The following SYT16 variants were observed in gnomAD, a reference collection of about 807,000 sequenced individuals.
SYT16 encodes synaptotagmin 16.
Under a neutral mutation model 61.4 loss-of-function variants are expected in SYT16, and 42 were observed. The observed-to-expected ratio is 0.68, with a 90% CI of 0.53 to 0.89. The LOEUF (loss-of-function observed/expected upper bound fraction) is 0.89, where lower values mean the gene tolerates loss of function less well. Among genes scored for constraint, SYT16 ranks in the 40% least tolerant of loss-of-function variants. The pLI, the probability that SYT16 is intolerant of heterozygous loss-of-function variation, is 0.00. For missense variants in SYT16, 804 were observed against 807.3 expected, an observed-to-expected ratio of 1.00 and a Z score of 0.05; for synonymous variants, 314 against 302.3, an observed-to-expected ratio of 1.04 and a Z score of -0.40.
rs531232630 is a variant in SYT16 at position 62,036,306 on chromosome 14, C to T, written c.524-33297C>T. 1.1e-4 allele frequency among the ~76,000 whole-genome samples: 16 copies of T among 152,116 alleles called. No homozygotes were observed. In the South Asian group the frequency reaches 3.1e-3, roughly 30 times the overall value. Reference sequence around the variant, plus strand: ...TCTGAAAAAAGAAAAGAGGTAACCACGCATTGGTTGGGTATGGCTGGAAGC... The same window carrying T: ...TCTGAAAAAAGAAAAGAGGTAACCATGCATTGGTTGGGTATGGCTGGAAGC... On this transcript the variant is annotated intron_variant, in intron 3 of 7. Transcript: ENST00000683842.
At chr14:62,050,982 C>G (rs1347142061) in intron 3 of SYT16, among the ~76,000 whole-genome samples, 2 of 152,224 alleles carry the variant, frequency 1.3e-5, no homozygotes, top group Non-Finnish European at 2.9e-5. Context: ...GGGAGAACCA[C>G]TACTCTCTTC....
chr14:61,899,865 G>A (rs1435972125), intron 1 of SYT16, among the ~76,000 whole-genome samples: 1 of 152,170 alleles, frequency 6.6e-6, no homozygotes, highest in Non-Finnish European at 1.5e-5. Context: ...TCCCAGGGAG[G>A]AACTGTGTTC....
At chr14:61,815,821 A>C (rs79317706) in intron 1 of SYT16, among the ~76,000 whole-genome samples, 336 of 152,356 alleles carry the variant, frequency 2.2e-3, no homozygotes, top group Non-Finnish European at 4.0e-3. Flanking sequence ...TTTTGTTTCC[A>C]GAACACAAAA....
intron 1 of SYT16, among the ~76,000 whole-genome samples, chr14:61,887,440 T>C (rs547688454): frequency 3.3e-5 from 5 of 152,340 alleles, no homozygotes; most frequent in African/African-American, 1.2e-4. Context: ...AGAGTCAGCA[T>C]GTCCATTGAA....
intron 1 of SYT16, among the ~76,000 whole-genome samples, chr14:61,892,306 C>T (rs1594846600): frequency 6.6e-6 from 1 of 152,096 alleles, no homozygotes. Context: ...TCTCCCTCCA[C>T]CTCTAGCTGC....
intron 3 of SYT16, among the ~76,000 whole-genome samples, chr14:62,044,348 T>C (rs2054873748): frequency 1.3e-5 from 2 of 152,194 alleles, no homozygotes; most frequent in Admixed American, 6.5e-5. Context: ...GTTTGTTACA[T>C]AGGTATACAC....
intron 2 of SYT16, among the ~76,000 whole-genome samples, chr14:61,970,943 T>C (rs1189682966): frequency 6.6e-6 from 1 of 152,152 alleles, no homozygotes; most frequent in Non-Finnish European, 1.5e-5. Context: ...CTGTTTTTTT[T>C]TTTTTATCAG....
chr14:61,846,470 A>G (rs1467741015), intron 1 of SYT16, among the ~76,000 whole-genome samples: 1 of 152,280 alleles, frequency 6.6e-6, no homozygotes, highest in East Asian at 1.9e-4. Context: ...TGATATAAGT[A>G]TAGTGATTCC....
At chr14:61,990,711 T>A (rs1015202711) in intron 2 of SYT16, among the ~76,000 whole-genome samples, 2 of 152,114 alleles carry the variant, frequency 1.3e-5, no homozygotes, top group African/African-American at 4.8e-5. Context: ...GTCGTAACTG[T>A]CCCCCAACCC....
At chr14:62,055,647 G>A (rs1386146583) in intron 3 of SYT16, among the ~76,000 whole-genome samples, 1 of 152,128 alleles carries the variant, frequency 6.6e-6, no homozygotes. Context: ...CTTGATATAG[G>A]GTGGATCCCT....
intron 3 of SYT16, among the ~76,000 whole-genome samples, chr14:62,057,037 G>A (rs1009678205): frequency 2.0e-5 from 3 of 152,288 alleles, no homozygotes; most frequent in East Asian, 1.9e-4. Flanking sequence ...AGGACACTGC[G>A]GTCGCAAAGC....
At chr14:62,061,762 TA>T (rs2055836580) in intron 3 of SYT16, among the ~76,000 whole-genome samples, 1 of 152,056 alleles carries the variant, frequency 6.6e-6, no homozygotes, top group Non-Finnish European at 1.5e-5. Context: ...CGTAACAAAC[TA>T]AAAGGGGAAA....
chr14:62,013,300 T>A (rs893149038), intron 3 of SYT16, among the ~76,000 whole-genome samples: 3 of 152,172 alleles, frequency 2.0e-5, no homozygotes, highest in Non-Finnish European at 2.9e-5. Flanking sequence ...ATTCTCCTCA[T>A]GGTGATGGTT....
At chr14:61,852,292 A>G (rs1232151287) in intron 1 of SYT16, among the ~76,000 whole-genome samples, 2 of 152,052 alleles carry the variant, frequency 1.3e-5, no homozygotes, top group Non-Finnish European at 2.9e-5. Context: ...CTGTTTTTGT[A>G]CCAGTACTGT....
At chr14:61,905,556 A>G (rs1353284011) in intron 1 of SYT16, among the ~76,000 whole-genome samples, 2 of 152,116 alleles carry the variant, frequency 1.3e-5, no homozygotes, top group African/African-American at 4.8e-5. Context: ...GCTGCTTCCA[A>G]ACCCAGCCTA....
rs148983731 is a variant in SYT16, at chr14:62,092,786, A to G, written c.1625-7608A>G. Among the ~76,000 whole-genome samples, 187 of 152,142 alleles carry G rather than the reference A, an allele frequency of 1.2e-3. 1 individual carries two copies. Among genetic ancestry groups the G allele is most frequent in the African/African-American group, 4.1e-3 (172 of 41,544 alleles). ...GGAGTTTCAGTTTTTACAAGATGAA[A>G]AGAGTTTTGGAGATGGATGGTGGTG... On this transcript the variant is annotated intron_variant, in intron 7 of 7. Coordinates refer to ENST00000683842, the MANE Select transcript of SYT16 (RefSeq NM_001367656.1).
chr14:62,005,470 T>A (rs2053185385), intron 3 of SYT16, among the ~76,000 whole-genome samples: 1 of 152,186 alleles, frequency 6.6e-6, no homozygotes, highest in Non-Finnish European at 1.5e-5. Flanking sequence ...TTCTGATCTC[T>A]GTTTTATAGA....
At chr14:62,010,663 G>C (rs1378655575) in intron 3 of SYT16, among the ~76,000 whole-genome samples, 1 of 152,060 alleles carries the variant, frequency 6.6e-6, no homozygotes, top group Non-Finnish European at 1.5e-5. Context: ...CATCACAGGA[G>C]ACATTGCTGT....
intron 3 of SYT16, among the ~76,000 whole-genome samples, chr14:62,011,914 C>G (rs111573513): frequency 1.2e-4 from 11 of 94,424 alleles, no homozygotes; most frequent in Non-Finnish European, 2.2e-4. Context: ...CATATATATA[C>G]ACACACACAC....
Sources: gnomAD v4.1 joint callset for allele counts (sites outside exome capture counted in the v4.1 genomes callset) on GRCh38, gnomAD v4.1.1 for gene constraint, MANE v1.5 for transcripts, NCBI Gene and HGNC (gene_info 2026-07-23, HGNC 2026-07-21) for gene names.